The following KHDRBS2 variants were observed in gnomAD, a reference collection of about 807,000 sequenced individuals.
KHDRBS2 encodes KH domain-containing, RNA-binding, signal transduction-associated protein 2.
KHDRBS2 carries 26 observed loss-of-function variants against 44.3 expected under a neutral mutation model. The observed-to-expected ratio is 0.59, with a 90% CI of 0.43 to 0.81. The LOEUF (loss-of-function observed/expected upper bound fraction) is 0.81, where lower values mean the gene tolerates loss of function less well. Among genes scored for constraint, KHDRBS2 ranks in the 40% least tolerant of loss-of-function variants. KHDRBS2 has a pLI of 0.00. For missense variants in KHDRBS2, 476 were observed against 433.1 expected, an observed-to-expected ratio of 1.10 and a Z score of -0.88; for synonymous variants, 194 against 151.1, an observed-to-expected ratio of 1.28 and a Z score of -2.08.
At chr6:61,967,700 G>A (rs2127397122) in intron 4 of KHDRBS2, among the ~76,000 whole-genome samples, 1 of 151,694 alleles carries the variant, frequency 6.6e-6, no homozygotes, top group South Asian at 2.1e-4. Flanking sequence ...TTATTTTAAT[G>A]TTGAAGTTAT....
intron 2 of KHDRBS2, among the ~76,000 whole-genome samples, chr6:62,173,337 A>C (rs1333122190): frequency 2.0e-5 from 3 of 152,096 alleles, no homozygotes; most frequent in African/African-American, 4.8e-5. Flanking sequence ...GAAAACTTGG[A>C]AGAAACTGGT....
intron 2 of KHDRBS2, among the ~76,000 whole-genome samples, chr6:62,172,583 C>A (rs1820238351): frequency 3.3e-5 from 5 of 150,974 alleles, no homozygotes; most frequent in East Asian, 3.9e-4. Flanking sequence ...CTAAATGAAC[C>A]TAATAGACAT....
chr6:62,255,433 C>T (rs1837209900), intron 1 of KHDRBS2, among the ~76,000 whole-genome samples: 1 of 152,004 alleles, frequency 6.6e-6, no homozygotes, highest in Non-Finnish European at 1.5e-5. Flanking sequence ...GATACTATTG[C>T]TATCTCCATC....
At chr6:62,168,319 G>T in intron 2 of KHDRBS2, among the ~76,000 whole-genome samples, 1 of 152,104 alleles carries the variant, frequency 6.6e-6, no homozygotes, top group East Asian at 1.9e-4. Context: ...TTTAATTGAA[G>T]AAAAGGTCTG....
intron 6 of KHDRBS2, among the ~76,000 whole-genome samples, chr6:61,813,263 C>G (rs1365493850): frequency 2.0e-5 from 3 of 152,084 alleles, no homozygotes; most frequent in Non-Finnish European, 4.4e-5. Flanking sequence ...GAGGCATAGA[C>G]TACTCTGATG....
chr6:62,095,575 A>G (rs1289897915), intron 2 of KHDRBS2, among the ~76,000 whole-genome samples: 3 of 151,894 alleles, frequency 2.0e-5, no homozygotes, highest in Non-Finnish European at 4.4e-5. Flanking sequence ...TGATGTTTTC[A>G]CAATGAAGAA....
chr6:62,065,837 G>T (rs181862619), intron 2 of KHDRBS2, among the ~76,000 whole-genome samples: 89 of 150,742 alleles, frequency 5.9e-4, no homozygotes, highest in Middle Eastern at 6.9e-3. Flanking sequence ...ACTAGAATAT[G>T]CTTATAAAAA....
the KHDRBS2 span, among the ~76,000 whole-genome samples, chr6:61,663,500 C>CATATATATATATATATATATATGT: frequency 6.4e-4 from 23 of 35,970 alleles, 5 homozygotes; most frequent in Non-Finnish European, 1.1e-3. Flanking sequence ...CATGAGACAC[C>CATATATATATATATATATATATGT]ATATATATAT....
chr6:61,843,715 A>G (rs2127274603), intron 6 of KHDRBS2, among the ~76,000 whole-genome samples: 1 of 152,198 alleles, frequency 6.6e-6, no homozygotes, highest in African/African-American at 2.4e-5. Flanking sequence ...TTGTATTAGT[A>G]ATTGTTAGGC....
chr6:61,627,035 C>A, the KHDRBS2 span, among the ~76,000 whole-genome samples: 2 of 151,774 alleles, frequency 1.3e-5, no homozygotes, highest in African/African-American at 4.8e-5. Flanking sequence ...GGGAGGATCA[C>A]GAGGTCAGGA....
chr6:61,662,424 T>C, the KHDRBS2 span, among the ~76,000 whole-genome samples: 1 of 151,810 alleles, frequency 6.6e-6, no homozygotes, highest in Admixed American at 6.6e-5. Context: ...AAAGAGCTTC[T>C]GCACAGCAAA....
chr6:62,084,798 A>AC (rs1012436214), intron 2 of KHDRBS2, among the ~76,000 whole-genome samples: 1 of 152,156 alleles, frequency 6.6e-6, no homozygotes, highest in South Asian at 2.1e-4. Context: ...TGAGAAAAGT[A>AC]CCCCCAAGAA....
chr6:61,589,362 C>A, the KHDRBS2 span, among the ~76,000 whole-genome samples: 5 of 152,290 alleles, frequency 3.3e-5, no homozygotes, highest in East Asian at 5.8e-4. Context: ...ATGAAAGTCA[C>A]TAAGGACACC....
At chr6:61,992,566 T>C (rs1584017556) in intron 3 of KHDRBS2, among the ~76,000 whole-genome samples, 1 of 152,194 alleles carries the variant, frequency 6.6e-6, no homozygotes, top group East Asian at 1.9e-4. Flanking sequence ...CATGGGACCA[T>C]GGAGTATGTT....
chr6:61,566,706 T>TA, the KHDRBS2 span, among the ~76,000 whole-genome samples: 3 of 116,510 alleles, frequency 2.6e-5, no homozygotes, highest in African/African-American at 9.9e-5. Flanking sequence ...TCCATAACTT[T>TA]AAAAAACGTT....
At chr6:62,044,494 C>A (rs1329283012) in intron 3 of KHDRBS2, among the ~76,000 whole-genome samples, 10 of 148,660 alleles carry the variant, frequency 6.7e-5, no homozygotes, top group African/African-American at 2.5e-4. Flanking sequence ...GAGACACTGT[C>A]AGAAAAAAAA....
In KHDRBS2 at chr6:62,152,487, A is replaced by G. The variant is rs115686051; in HGVS notation, c.219+24698T>C. On this transcript the variant is annotated intron_variant, in intron 2 of 8. Transcript: ENST00000281156. The stretch of plus-strand genomic sequence containing the variant: ...TGGGATTGATAATCTCGTTTTAGAG[A>G]AGGCATTGTTTTAGTTACTTAATAA... Among the ~76,000 whole-genome samples, 569 of 152,312 alleles carry G rather than the reference A, an allele frequency of 3.7e-3. 2 individuals carry two copies. Among genetic ancestry groups the G allele is most frequent in the African/African-American group, 0.013 (550 of 41,560 alleles).
At chr6:61,597,911 TGTG>T in the KHDRBS2 span, among the ~76,000 whole-genome samples, 1 of 134,090 alleles carries the variant, frequency 7.5e-6, no homozygotes, top group African/African-American at 2.8e-5. Flanking sequence ...AGGTTTTTTT[TGTG>T]TTTTTTTTTT....
intron 4 of KHDRBS2, among the ~76,000 whole-genome samples, chr6:61,909,091 G>C (rs1043673558): frequency 1.3e-5 from 2 of 150,146 alleles, no homozygotes; most frequent in African/African-American, 2.4e-5. Flanking sequence ...TTTTGAGATG[G>C]GGTCTCTCTC....
Sources: allele counts gnomAD v4.1 joint callset (sites outside exome capture counted in the v4.1 genomes callset), GRCh38; gene constraint gnomAD v4.1.1; transcripts MANE v1.5; gene names NCBI Gene and HGNC (gene_info 2026-07-23, HGNC 2026-07-21).